FREM2: variants seen among roughly 807,000 people sequenced by gnomAD.
FREM2 encodes FRAS1 related extracellular matrix 2.
Under a neutral mutation model 219.9 loss-of-function variants are expected in FREM2, and 119 were observed. The observed-to-expected ratio is 0.54, with a 90% CI of 0.47 to 0.63. The LOEUF is 0.63. Ranked by LOEUF, FREM2 falls within the 30% of genes least tolerant of loss-of-function variation. The pLI is 0.00. For missense variants in FREM2, 4,030 were observed against 3,993.6 expected (o/e 1.01, Z -0.25); for synonymous variants, 1,562 against 1,522.8 (o/e 1.03, Z -0.60).
At chr13:38,793,491 A>G (rs1003420304) in intron 6 of FREM2, among the ~76,000 whole-genome samples, 3 of 152,148 alleles carry the variant, frequency 2.0e-5, no homozygotes, top group African/African-American at 7.2e-5. Flanking sequence ...ACAGCAAAAA[A>G]CTAGAGCTCA....
intron 7 of FREM2, 63 bp downstream of exon 7, chr13:38,846,785 T>G: frequency 6.4e-7 from 1 of 1,571,046 alleles, no homozygotes; most frequent in South Asian, 1.1e-5. Context: ...ATGGCACAAA[T>G]TTATTTAAAG....
intron 13 of FREM2, among the ~76,000 whole-genome samples, chr13:38,858,621 GACTT>G (rs1414011403): frequency 6.6e-6 from 1 of 152,152 alleles, no homozygotes; most frequent in African/African-American, 2.4e-5. Flanking sequence ...CTAAAATTAT[GACTT>G]ACTTATGTTT....
intron 4 of FREM2, among the ~76,000 whole-genome samples, chr13:38,772,213 G>A (rs959270037): frequency 1.8e-4 from 27 of 152,098 alleles, no homozygotes; most frequent in African/African-American, 6.0e-4. Context: ...AATTTATCCA[G>A]CTCATATTTG....
At chr13:38,730,826 A>T (rs1183727196) in intron 2 of FREM2, among the ~76,000 whole-genome samples, 2 of 152,198 alleles carry the variant, frequency 1.3e-5, no homozygotes, top group Non-Finnish European at 2.9e-5. Context: ...ATTAAAGAAA[A>T]GGTTCAAAGA....
intron 21 of FREM2, among the ~76,000 whole-genome samples, chr13:38,877,926 CT>C (rs1878397962): frequency 6.6e-6 from 1 of 152,178 alleles, no homozygotes; most frequent in Non-Finnish European, 1.5e-5. Flanking sequence ...TCTTTAGTCA[CT>C]TCTGGTCAGT....
At chr13:38,738,216 G>T (rs1430709600) in intron 2 of FREM2, among the ~76,000 whole-genome samples, 2 of 152,078 alleles carry the variant, frequency 1.3e-5, no homozygotes, top group Non-Finnish European at 2.9e-5. Context: ...ATCAGCTTTG[G>T]ACATATGAAA....
chr13:38,781,133 C>T (rs915652589), intron 4 of FREM2, among the ~76,000 whole-genome samples: 1 of 152,110 alleles, frequency 6.6e-6, no homozygotes, highest in African/African-American at 2.4e-5. Flanking sequence ...CCTCTCTAGC[C>T]CTCATATCTT....
At chr13:38,823,089 G>T (rs114652212) in intron 6 of FREM2, among the ~76,000 whole-genome samples, 1,751 of 152,000 alleles carry the variant, frequency 0.012, 24 homozygotes, top group African/African-American at 0.04. Flanking sequence ...TTTTATTCCC[G>T]CTTATCCCTA....
intron 16 of FREM2, 120 bp downstream of exon 16, chr13:38,864,726 A>G (rs1394137909): frequency 7.1e-6 from 6 of 848,826 alleles, no homozygotes; most frequent in African/African-American, 3.3e-5. Context: ...GTAATTATTG[A>G]CAGCAAGGGA....
chr13:38,721,500 A>G (rs1457178438), intron 2 of FREM2, among the ~76,000 whole-genome samples: 1 of 152,302 alleles, frequency 6.6e-6, no homozygotes, highest in African/African-American at 2.4e-5. Context: ...CATTTGTTTT[A>G]CAACAGTAGC....
In FREM2 at chr13:38,880,854, A is replaced by G. The variant is rs1878522602; in HGVS notation, c.*67A>G. 1 of 1,553,566 alleles carries G rather than the reference A, an allele frequency of 6.4e-7. No homozygotes were observed. Among genetic ancestry groups the G allele is most frequent in the African/African-American group, 1.4e-5 (1 of 73,628 alleles). On this transcript the variant is annotated 3_prime_UTR_variant, in exon 24 of 24. Transcript: ENST00000280481. The stretch of plus-strand genomic sequence containing the variant: ...AAAAGATCACAATGGAACCTTAAAT[A>G]CTTCTGGTAAACCATAGAGAATGGA...
At position 38,850,973 on chromosome 13, in the gene FREM2, C is replaced by T. The variant is rs754616560; in HGVS notation, c.6607C>T (p.Leu2203=). 1.9e-6 allele frequency: 3 copies of T among 1,613,158 alleles called. No individual in the cohort carries two copies. The highest frequency in any genetic ancestry group is 2.5e-6 in the Non-Finnish European group (3 of 1,179,972). The change falls in exon 10 of 24, where the codon CTG becomes TTG. Residue 2203 remains leucine, a synonymous_variant. Transcript: ENST00000280481. The part of the protein sequence containing the change: ...GETEKPCILE[L]MDDVLYEEVE... ...GACAGAAAAGCCCTGCATTCTTGAG[C>T]TGATGGACGATGTGCTCTATGAGGA...
chr13:38,859,570 T>C lies in FREM2; in HGVS notation c.7499T>C (p.Val2500Ala), dbSNP rs758624590. ...DEGLELMSPI[V>A]TISREEGLCQ... Reference sequence around the variant, plus strand: ...GGCCTGGAGCTCATGAGCCCTATTGTAACCATCAGCAGAGAAGAAGGTCAG... The same window carrying C: ...GGCCTGGAGCTCATGAGCCCTATTGCAACCATCAGCAGAGAAGAAGGTCAG... Residue 2500 changes from valine (V) to alanine (A), a missense_variant, in exon 14 of 24, where the codon GTA becomes GCA. Val to Ala is a moderately conservative substitution (Grantham distance 64, BLOSUM62 0). Around this residue, in one of 2 missense-constraint regions of FREM2, gnomAD observed 928 missense variants for 1,042.9 expected, o/e 0.89. Coordinates refer to ENST00000280481, the MANE Select transcript of FREM2 (RefSeq NM_207361.6). 1.9e-6 allele frequency: 3 copies of C among 1,613,872 alleles called. No individual in the cohort carries two copies. Among genetic ancestry groups the C allele is most frequent in the Admixed American group, 1.7e-5 (1 of 60,004 alleles).
intron 2 of FREM2, among the ~76,000 whole-genome samples, chr13:38,732,088 A>G (rs1435195179): frequency 2.0e-5 from 3 of 152,230 alleles, no homozygotes; most frequent in African/African-American, 4.8e-5. Flanking sequence ...AGGAGTGAGC[A>G]TTGTCTCTTT....
In FREM2 at chr13:38,687,826, G is replaced by T. The variant is rs750545395; in HGVS notation, c.482G>T (p.Gly161Val). The T allele has an allele frequency of 6.5e-7, 1 of 1,545,654 alleles. No homozygotes were observed. Among genetic ancestry groups the T allele is most frequent in the Non-Finnish European group, 8.8e-7 (1 of 1,141,224 alleles). The change falls in exon 1 of 24, where the codon GGA becomes GTA. Residue 161 changes from glycine (G) to valine (V), a missense_variant. Physicochemically the swap from Gly to Val is moderately radical, Grantham distance 109. Coordinates refer to ENST00000280481, the MANE Select transcript of FREM2 (RefSeq NM_207361.6). Reference sequence around the variant, plus strand: ...CTGCAGCTGCGCTATGACGCGCCCGGAGGGGCAGTAGTGCTACCACTGGTA... The same window carrying T: ...CTGCAGCTGCGCTATGACGCGCCCGTAGGGGCAGTAGTGCTACCACTGGTA... ...VRLQLRYDAP[G>V]GAVVLPLVLE...
chr13:38,751,560 T>C (rs1262678041), intron 2 of FREM2, among the ~76,000 whole-genome samples: 3 of 152,256 alleles, frequency 2.0e-5, no homozygotes, highest in African/African-American at 7.2e-5. Flanking sequence ...GCCAAGCCTT[T>C]AATGGTCTTT....
Position 38,883,280 on chromosome 13 carries a change from A to G in FREM2, c.*2493A>G, listed in dbSNP as rs988272042. 6.6e-5 allele frequency: 10 copies of G among 151,928 alleles called. No individual in the cohort carries two copies. The highest frequency in any genetic ancestry group is 1.3e-4 in the Non-Finnish European group (9 of 67,964). The allele number at this position is 151,928 out of a possible 1,614,324, so 9.4% of individuals were successfully genotyped here. A position where few individuals can be genotyped will look rare whatever the true frequency, so the allele number is the denominator to read the frequency against. ...TAATATACATTAATTATTTTTTGAA[A>G]CTCTTGTTAGTGGGAAGAATATGGT... On this transcript the variant is annotated 3_prime_UTR_variant, in exon 24 of 24. Coordinates refer to ENST00000280481, the MANE Select transcript of FREM2 (RefSeq NM_207361.6).
At chr13:38,778,700 C>G (rs1025314634) in intron 4 of FREM2, among the ~76,000 whole-genome samples, 5 of 152,064 alleles carry the variant, frequency 3.3e-5, no homozygotes, top group Admixed American at 2.0e-4. Context: ...GAGTACTAGG[C>G]TTAACACCTG....
At chr13:38,828,812 T>C (rs1413249251) in intron 6 of FREM2, among the ~76,000 whole-genome samples, 1 of 152,140 alleles carries the variant, frequency 6.6e-6, no homozygotes, top group Non-Finnish European at 1.5e-5. Context: ...TTTTAATGGT[T>C]ATATAGTATT....
Sources: allele counts gnomAD v4.1 joint callset (sites outside exome capture counted in the v4.1 genomes callset), GRCh38; gene constraint gnomAD v4.1.1; regional missense constraint gnomAD v4.1.1; transcripts MANE v1.5; gene names NCBI Gene and HGNC (gene_info 2026-07-23, HGNC 2026-07-21).